FAF1: variants seen among roughly 807,000 people sequenced by gnomAD.
The protein encoded by FAF1 is FAS-associated factor 1.
A neutral mutation model predicts 92.5 loss-of-function variants in FAF1; 25 were observed. That is an observed-to-expected ratio of 0.27 (90% CI 0.20 to 0.38). FAF1 has a LOEUF of 0.38. Among genes scored for constraint, FAF1 ranks in the 10% least tolerant of loss-of-function variants. The pLI is 1.00. For missense variants in FAF1, 636 were observed against 793.3 expected (o/e 0.80, Z 2.38); for synonymous variants, 234 against 273.2 (o/e 0.86, Z 1.42).
chr1:50,641,893 T>C (rs1270876721), intron 8 of FAF1, among the ~76,000 whole-genome samples: 1 of 152,102 alleles, frequency 6.6e-6, no homozygotes, highest in East Asian at 1.9e-4. Flanking sequence ...GAATCTCTTT[T>C]TTTAGTCCTG....
chr1:50,685,849 C>G (rs1000113258), intron 7 of FAF1, among the ~76,000 whole-genome samples: 3 of 152,206 alleles, frequency 2.0e-5, no homozygotes, highest in Admixed American at 6.5e-5. Context: ...CACTGACTAG[C>G]AGATTTTCCC....
At chr1:50,659,230 T>C (rs116553800) in intron 7 of FAF1, among the ~76,000 whole-genome samples, 1,966 of 139,882 alleles carry the variant, frequency 0.014, 43 homozygotes, top group African/African-American at 0.048. Context: ...GATGAAGAAA[T>C]ATGAGGAAGA....
chr1:50,587,471 A>G (rs1651289737), intron 9 of FAF1, among the ~76,000 whole-genome samples: 1 of 152,188 alleles, frequency 6.6e-6, no homozygotes, highest in Non-Finnish European at 1.5e-5. Context: ...TTTATCAGCC[A>G]TCTAACAGGT....
intron 8 of FAF1, among the ~76,000 whole-genome samples, chr1:50,624,954 T>C (rs1653426660): frequency 6.8e-6 from 1 of 146,000 alleles, no homozygotes; most frequent in East Asian, 2.0e-4. Flanking sequence ...CAGGCTGGAG[T>C]GCAATGGCAT....
intron 18 of FAF1, among the ~76,000 whole-genome samples, chr1:50,467,147 G>A (rs1025120859): frequency 6.6e-6 from 1 of 151,992 alleles, no homozygotes; most frequent in Non-Finnish European, 1.5e-5. Context: ...AAGCAGAGTG[G>A]CTGGCAAAAT....
chr1:50,834,980 C>T (rs1325446204), intron 2 of FAF1, among the ~76,000 whole-genome samples: 1 of 152,098 alleles, frequency 6.6e-6, no homozygotes, highest in African/African-American at 2.4e-5. Context: ...CAACAGATAA[C>T]ACAGCAAAGA....
At chr1:50,594,975 CTTTG>C (rs1651726856) in intron 9 of FAF1, among the ~76,000 whole-genome samples, 2 of 151,796 alleles carry the variant, frequency 1.3e-5, no homozygotes, top group African/African-American at 4.8e-5. Flanking sequence ...TGCCCCTTCT[CTTTG>C]TTTCTTTAGG....
chr1:50,822,745 T>G (rs1644054442), intron 2 of FAF1, among the ~76,000 whole-genome samples: 1 of 144,872 alleles, frequency 6.9e-6, no homozygotes, highest in African/African-American at 2.7e-5. Context: ...TTTTTGGTGT[T>G]TTTTCTTTCT....
rs952235652 is a variant in FAF1, at chr1:50,685,957, G to T, written c.657+19829C>A. Among the ~76,000 whole-genome samples the T allele has an allele frequency of 2.0e-5, 3 of 152,240 alleles. No homozygotes were observed. In the South Asian group the frequency reaches 6.2e-4, roughly 32 times the overall value. ...TGATACATGATAATTTCCCCATTGAGAATATGCTTTCCTAACAGGCTAATT... is the reference window on the plus strand; with the variant it reads ...TGATACATGATAATTTCCCCATTGATAATATGCTTTCCTAACAGGCTAATT... On this transcript the variant is annotated intron_variant, in intron 7 of 18. Transcript: ENST00000396153.
chr1:50,640,643 T>C (rs1420216035), intron 8 of FAF1, among the ~76,000 whole-genome samples: 1 of 152,246 alleles, frequency 6.6e-6, no homozygotes, highest in African/African-American at 2.4e-5. Context: ...TTTTAACCTT[T>C]CAAGCAACTT....
At chr1:50,623,974 G>T (rs181726610) in intron 8 of FAF1, among the ~76,000 whole-genome samples, 61 of 151,508 alleles carry the variant, frequency 4.0e-4, no homozygotes, top group African/African-American at 1.1e-3. Flanking sequence ...GAAGAAAGAA[G>T]AAGAGGAAGA....
chr1:50,750,281 A>T (rs1659802292), intron 4 of FAF1, among the ~76,000 whole-genome samples: 1 of 152,242 alleles, frequency 6.6e-6, no homozygotes, highest in South Asian at 2.1e-4. Context: ...TTTTGTATTT[A>T]AAAAATTAAC....
intron 17 of FAF1, among the ~76,000 whole-genome samples, chr1:50,483,218 T>C (rs1646723283): frequency 1.3e-5 from 2 of 151,094 alleles, no homozygotes; most frequent in African/African-American, 2.5e-5. Context: ...TTTTTTTGGA[T>C]ATAAATATTC....
At chr1:50,699,348 G>A (rs1469756843) in intron 7 of FAF1, among the ~76,000 whole-genome samples, 1 of 152,006 alleles carries the variant, frequency 6.6e-6, no homozygotes, top group East Asian at 1.9e-4. Context: ...AAACTGGACA[G>A]GTTTTTTTAA....
At chr1:50,852,024 T>C (rs577990029) in intron 2 of FAF1, among the ~76,000 whole-genome samples, 2 of 152,248 alleles carry the variant, frequency 1.3e-5, no homozygotes, top group East Asian at 3.9e-4. Flanking sequence ...GGTTAGGCTA[T>C]ATAATGAGCT....
At chr1:50,594,380 T>TTA (rs1232875152) in intron 9 of FAF1, among the ~76,000 whole-genome samples, 1 of 152,008 alleles carries the variant, frequency 6.6e-6, no homozygotes, top group East Asian at 1.9e-4. Context: ...ATGACCTCCA[T>TTA]TGTATACACT....
At chr1:50,959,701 A>G in intron 1 of FAF1, 66 bp downstream of exon 1, 2 of 1,389,368 alleles carry the variant, frequency 1.4e-6, no homozygotes, top group East Asian at 2.6e-5. Flanking sequence ...TGGGAAGAAG[A>G]CTCCCTTGTG....
chr1:50,749,586 G>C (rs531608715), intron 4 of FAF1, among the ~76,000 whole-genome samples: 1 of 152,140 alleles, frequency 6.6e-6, no homozygotes, highest in Non-Finnish European at 1.5e-5. Context: ...AGAAGTTTGA[G>C]ACCAACATGA....
At chr1:50,783,719 C>G (rs944247763) in intron 4 of FAF1, among the ~76,000 whole-genome samples, 2 of 151,976 alleles carry the variant, frequency 1.3e-5, no homozygotes, top group Non-Finnish European at 2.9e-5. Context: ...ACTAAAAATA[C>G]AAAAATTAGC....
Sources: allele counts gnomAD v4.1 joint callset (sites outside exome capture counted in the v4.1 genomes callset), GRCh38; gene constraint gnomAD v4.1.1; transcripts MANE v1.5; gene names NCBI Gene and HGNC (gene_info 2026-07-23, HGNC 2026-07-21).